MAST2: variants seen among roughly 807,000 people sequenced by gnomAD.
MAST2 encodes microtubule associated serine/threonine kinase 2, also known as microtubule-associated serine/threonine-protein kinase 2.
Under a neutral mutation model 147.4 loss-of-function variants are expected in MAST2, and 70 were observed. That is an observed-to-expected ratio of 0.47 (90% CI 0.39 to 0.58). MAST2 has a LOEUF of 0.58. Among genes scored for constraint, MAST2 ranks in the 20% least tolerant of loss-of-function variants. MAST2 has a pLI of 0.00. For missense variants in MAST2, 2,080 were observed against 2,302.3 expected (o/e 0.90, Z 1.98); for synonymous variants, 869 against 896.8 (o/e 0.97, Z 0.55).
rs1391127467 is a variant in MAST2, at chr1:46,035,501, T to A, written c.4832T>A (p.Ile1611Asn). ...NLGQSGATDPIPPEGCWKAQH... is the reference protein window; with the variant it reads ...NLGQSGATDPNPPEGCWKAQH... Reference sequence around the variant, plus strand: ...GGTCAGTCTGGAGCCACAGACCCCATCCCTCCTGAAGGTTGCTGGAAGGCC... The same window carrying A: ...GGTCAGTCTGGAGCCACAGACCCCAACCCTCCTGAAGGTTGCTGGAAGGCC... The change falls in exon 29 of 29, where the codon ATC (isoleucine) becomes AAC (asparagine). Residue 1611 changes from isoleucine to asparagine, a missense_variant. Physicochemically the swap from Ile to Asn is moderately radical, Grantham distance 149 (BLOSUM62 -3). This residue lies in a region of MAST2 where 1,278 missense variants were observed against 1,304.2 expected (regional missense o/e 0.98). Transcript: ENST00000361297. This position sits in a 1 kb window ranked among gnomAD's most constrained non-coding sequence, Gnocchi z 5.5. 6.2e-7 allele frequency: 1 copy of A among 1,612,778 alleles called. No homozygotes were observed. Among genetic ancestry groups the A allele is most frequent in the African/African-American group, 1.3e-5 (1 of 74,732 alleles).
chr1:45,911,472 C>G (rs1005614839), intron 4 of MAST2, among the ~76,000 whole-genome samples: 1 of 152,144 alleles, frequency 6.6e-6, no homozygotes, highest in Non-Finnish European at 1.5e-5. Flanking sequence ...TAGAAAGAAT[C>G]CATTTGCTGC....
intron 24 of MAST2, among the ~76,000 whole-genome samples, 172 bp from the exon 25 acceptor site, chr1:46,032,006 C>T (rs776679946): frequency 1.3e-5 from 2 of 152,156 alleles, no homozygotes; most frequent in African/African-American, 2.4e-5. Context: ...TCACCACCAC[C>T]GTCTCTTGGG....
intron 3 of MAST2, among the ~76,000 whole-genome samples, chr1:45,859,821 T>C (rs1326313135): frequency 6.6e-6 from 1 of 152,238 alleles, no homozygotes; most frequent in Non-Finnish European, 1.5e-5. Flanking sequence ...GATAGTCCTC[T>C]CAATACTAAT....
intron 4 of MAST2, among the ~76,000 whole-genome samples, chr1:45,903,068 G>A (rs1019195769): frequency 6.7e-6 from 1 of 149,694 alleles, no homozygotes; most frequent in Non-Finnish European, 1.5e-5. Flanking sequence ...TATGATGTTA[G>A]GTTGTTAATT....
chr1:45,999,759 G>A (rs1339497400), intron 6 of MAST2, among the ~76,000 whole-genome samples: 1 of 152,130 alleles, frequency 6.6e-6, no homozygotes, highest in Admixed American at 6.5e-5. Flanking sequence ...TCAATCTAAA[G>A]GGGCCTTCTT....
intron 3 of MAST2, among the ~76,000 whole-genome samples, chr1:45,829,787 A>G (rs988084453): frequency 1.3e-5 from 2 of 151,756 alleles, no homozygotes; most frequent in Non-Finnish European, 2.9e-5. Context: ...CCTTGGCTGT[A>G]GTATTCCTAT....
chr1:45,951,857 A>G (rs970958499), intron 4 of MAST2, among the ~76,000 whole-genome samples: 1 of 152,218 alleles, frequency 6.6e-6, no homozygotes, highest in African/African-American at 2.4e-5. Flanking sequence ...ATATGGAGAA[A>G]TGGGAAGAGG....
intron 4 of MAST2, among the ~76,000 whole-genome samples, chr1:45,920,091 T>G (rs1312143414): frequency 2.6e-5 from 4 of 152,202 alleles, no homozygotes; most frequent in Admixed American, 2.0e-4. Context: ...CTTTGAGTAC[T>G]CTATTTGATG....
intron 4 of MAST2, among the ~76,000 whole-genome samples, chr1:45,918,315 C>T (rs1423042740): frequency 1.3e-5 from 2 of 152,090 alleles, no homozygotes; most frequent in Non-Finnish European, 2.9e-5. Flanking sequence ...GTGCCAGGGG[C>T]CTGATCTAGG....
At chr1:45,904,526 C>T (rs192781531) in intron 4 of MAST2, among the ~76,000 whole-genome samples, 7 of 151,032 alleles carry the variant, frequency 4.6e-5, no homozygotes, top group Admixed American at 1.3e-4. Context: ...GGGGTGCATT[C>T]GCGCAATCAC....
chr1:46,017,059 A>G (rs971047425), intron 10 of MAST2, among the ~76,000 whole-genome samples: 1 of 152,180 alleles, frequency 6.6e-6, no homozygotes, highest in Non-Finnish European at 1.5e-5. Flanking sequence ...AACCTGAGAA[A>G]AATAAGCAAT....
intron 4 of MAST2, among the ~76,000 whole-genome samples, chr1:45,918,408 G>A (rs1437281035): frequency 2.0e-5 from 3 of 152,180 alleles, no homozygotes; most frequent in African/African-American, 7.2e-5. Context: ...TGGGAAATGA[G>A]GCCTGAAGTG....
chr1:46,030,123 G>A lies in MAST2; in HGVS notation c.2444-6G>A. ...TGAAGGAAAGTGTCCTTTATGTCTG[G>A]CCCAGCCCGCTCAGAGCGATACCAC... On this transcript the variant is annotated splice_polypyrimidine_tract_variant and splice_region_variant and intron_variant, in intron 20 of 28. Coordinates refer to ENST00000361297, the MANE Select transcript of MAST2 (RefSeq NM_015112.3). 6.2e-7 allele frequency: 1 copy of A among 1,613,968 alleles called. No individual in the cohort carries two copies. The highest frequency in any genetic ancestry group is 8.5e-7 in the Non-Finnish European group (1 of 1,179,828).
chr1:45,966,239 C>G (rs894491957), intron 5 of MAST2, among the ~76,000 whole-genome samples: 1 of 152,128 alleles, frequency 6.6e-6, no homozygotes, highest in Non-Finnish European at 1.5e-5. Context: ...GGTTATACCA[C>G]GGTTTATTTT....
chr1:45,816,227 G>GAGAGAGAGAGAA (rs1354234110), intron 1 of MAST2, among the ~76,000 whole-genome samples: 1 of 151,646 alleles, frequency 6.6e-6, no homozygotes, highest in Non-Finnish European at 1.5e-5. Context: ...GAGAAAGAGA[G>GAGAGAGAGAGAA]AGAGAGAGAG....
intron 4 of MAST2, among the ~76,000 whole-genome samples, chr1:45,887,657 T>A (rs1384108032): frequency 6.6e-6 from 1 of 152,180 alleles, no homozygotes; most frequent in African/African-American, 2.4e-5. Context: ...GATGCCTGGA[T>A]CAATGCTTCT....
intron 4 of MAST2, among the ~76,000 whole-genome samples, chr1:45,918,387 G>GT (rs1265969085): frequency 6.6e-6 from 1 of 152,206 alleles, no homozygotes; most frequent in Non-Finnish European, 1.5e-5. Flanking sequence ...AATAAGTTAG[G>GT]TGGTGAGTAT....
chr1:45,900,883 A>G (rs930213996), intron 4 of MAST2, among the ~76,000 whole-genome samples: 2 of 151,884 alleles, frequency 1.3e-5, no homozygotes, highest in Non-Finnish European at 2.9e-5. Flanking sequence ...TAAGTTCCTT[A>G]TAGATTCTGG....
intron 4 of MAST2, among the ~76,000 whole-genome samples, chr1:45,922,797 CTG>C (rs1030091343): frequency 2.6e-5 from 4 of 152,182 alleles, no homozygotes; most frequent in Non-Finnish European, 5.9e-5. Context: ...CCCACCGACT[CTG>C]TAGAGCATGC....
Sources: gnomAD v4.1 joint callset for allele counts (sites outside exome capture counted in the v4.1 genomes callset) on GRCh38, gnomAD v4.1.1 for gene constraint, gnomAD v4.1.1 regional missense constraint, Gnocchi (gnomAD v3.1) non-coding constraint, MANE v1.5 for transcripts, NCBI Gene and HGNC (gene_info 2026-07-23, HGNC 2026-07-21) for gene names.